MGST1: variants seen among roughly 807,000 people sequenced by gnomAD.
MGST1 encodes glutathione S-transferase 12.
In MGST1, 5 loss-of-function variants were observed where a neutral mutation model predicts 8.9. The observed-to-expected ratio is 0.56, with a 90% CI of 0.29 to 1.19. The LOEUF is 1.19. Ranked by LOEUF, MGST1 falls within the 50% of genes most tolerant of loss-of-function variation. MGST1 has a pLI of 0.08. For missense variants in MGST1, 182 were observed against 187.4 expected (o/e 0.97, Z 0.17); for synonymous variants, 54 against 67.8 (o/e 0.80, Z 1.00).
In MGST1 at chr12:16,537,005, A is replaced by T. The variant is rs985821575; in HGVS notation, n.483-52523A>T. On this transcript the variant is annotated intron_variant and non_coding_transcript_variant, in intron 4 of 4. Coordinates refer to the MGST1 transcript ENST00000538857. The surrounding 1 kb of genome is among the most constrained non-coding windows in gnomAD (Gnocchi z 4.6). ...CAAAGGCTGAACTCATTTTGGCATTAACCCAAAAGTCCACAGTCCAAAGTC... is the reference window on the plus strand; with the variant it reads ...CAAAGGCTGAACTCATTTTGGCATTTACCCAAAAGTCCACAGTCCAAAGTC... Among the ~76,000 whole-genome samples the T allele has an allele frequency of 2.0e-5, 3 of 152,188 alleles. No individual in the cohort carries two copies. The highest frequency in any genetic ancestry group is 1.3e-4 in the Admixed American group (2 of 15,288).
chr12:16,570,038 C>T (rs1942760463), intron 4 of MGST1, among the ~76,000 whole-genome samples: 1 of 152,110 alleles, frequency 6.6e-6, no homozygotes, highest in East Asian at 1.9e-4. Flanking sequence ...AGATACTACA[C>T]ATCTCTCCCT....
intron 3 of MGST1, among the ~76,000 whole-genome samples, chr12:16,374,907 G>A (rs1407310126): frequency 6.6e-6 from 1 of 152,136 alleles, no homozygotes; most frequent in Non-Finnish European, 1.5e-5. Context: ...TTAGAGACAA[G>A]TCTCACTCTG....
intron 4 of MGST1, among the ~76,000 whole-genome samples, chr12:16,461,285 C>T (rs1941219488): frequency 6.6e-6 from 1 of 151,608 alleles, no homozygotes; most frequent in Non-Finnish European, 1.5e-5. Context: ...TCCATAGATA[C>T]CCTGAACACT....
chr12:16,549,252 G>C (rs570462160), intron 4 of MGST1: 1 of 152,102 alleles, frequency 6.6e-6, no homozygotes, highest in Admixed American at 6.6e-5. Context: ...CAAGTGTAAG[G>C]CTCTAAGGCT....
chr12:16,432,527 G>A (rs111596076), intron 1 of MGST1, among the ~76,000 whole-genome samples: 2 of 151,954 alleles, frequency 1.3e-5, no homozygotes, highest in African/African-American at 4.8e-5. Flanking sequence ...CCTCATAGTA[G>A]CAATGGAACA....
intron 3 of MGST1, among the ~76,000 whole-genome samples, chr12:16,358,914 G>C (rs924390136): frequency 6.7e-6 from 1 of 149,456 alleles, no homozygotes; most frequent in African/African-American, 2.5e-5. Context: ...CTCTGTGAAA[G>C]TCTGAAGCCC....
intron 4 of MGST1, among the ~76,000 whole-genome samples, chr12:16,484,076 A>AAAT (rs1383106940): frequency 6.6e-6 from 1 of 152,226 alleles, no homozygotes; most frequent in Non-Finnish European, 1.5e-5. Context: ...CTGCAATTAA[A>AAAT]AATATCCTCA....
chr12:16,498,693 G>T (rs1258054593), intron 4 of MGST1, among the ~76,000 whole-genome samples: 1 of 152,142 alleles, frequency 6.6e-6, no homozygotes, highest in Admixed American at 6.6e-5. Context: ...TCTAACAGGA[G>T]ACCCGCTTTC....
At chr12:16,427,545 C>T (rs141946095) in intron 1 of MGST1, among the ~76,000 whole-genome samples, 3,760 of 152,036 alleles carry the variant, frequency 0.025, 150 homozygotes, top group African/African-American at 0.086. Context: ...CCATGCCCAG[C>T]TAATTTTTGT....
At chr12:16,359,281 AG>A (rs1350804231) in intron 3 of MGST1, among the ~76,000 whole-genome samples, 4 of 152,194 alleles carry the variant, frequency 2.6e-5, no homozygotes, top group African/African-American at 9.6e-5. Flanking sequence ...GCTCTCCTCT[AG>A]CCCCACAGAC....
At chr12:16,433,349 C>T (rs1940955874) in intron 1 of MGST1, among the ~76,000 whole-genome samples, 1 of 151,980 alleles carries the variant, frequency 6.6e-6, no homozygotes, top group Admixed American at 6.6e-5. Flanking sequence ...ACAGACACAC[C>T]CAGGAATAAT....
intron 4 of MGST1, among the ~76,000 whole-genome samples, chr12:16,579,776 G>A (rs144653378): frequency 3.3e-5 from 5 of 152,160 alleles, no homozygotes; most frequent in Non-Finnish European, 5.9e-5. Context: ...TTCAGTGGCC[G>A]AGTGAATGCG....
intron 4 of MGST1, among the ~76,000 whole-genome samples, chr12:16,566,644 A>T (rs1942621545): frequency 6.6e-6 from 1 of 152,176 alleles, no homozygotes; most frequent in Non-Finnish European, 1.5e-5. Context: ...TTATTTCATA[A>T]TTAAATCTAT....
Position 16,458,098 on chromosome 12 carries a change from A to G in MGST1, n.482+74494A>G, listed in dbSNP as rs555890390. Among the ~76,000 whole-genome samples the G allele has an allele frequency of 6.6e-6, 1 of 152,136 alleles. No individual in the cohort carries two copies. Among genetic ancestry groups the G allele is most frequent in the African/African-American group, 2.4e-5 (1 of 41,530 alleles). On this transcript the variant is annotated intron_variant and non_coding_transcript_variant, in intron 4 of 4. Transcript: ENST00000538857. This position sits in a 1 kb window ranked among gnomAD's most constrained non-coding sequence, Gnocchi z 4.0. ...ATATAATTGCTTATTCATACAGAAT[A>G]CCCATTAAAGAAGTGCAAAAGCGTG...
At chr12:16,539,267 T>C (rs1477672476) in intron 4 of MGST1, among the ~76,000 whole-genome samples, 1 of 152,288 alleles carries the variant, frequency 6.6e-6, no homozygotes, top group African/African-American at 2.4e-5. Context: ...TTAAATAAGA[T>C]TTTTACATTT....
At chr12:16,520,462 CAAG>C (rs2137189172) in intron 4 of MGST1, among the ~76,000 whole-genome samples, 1 of 151,848 alleles carries the variant, frequency 6.6e-6, no homozygotes, top group South Asian at 2.1e-4. Context: ...GGGCAATTTT[CAAG>C]AAGAGCAGAT....
intron 4 of MGST1, chr12:16,514,331 A>G: frequency 1.0e-5 from 3 of 295,018 alleles, no homozygotes; most frequent in South Asian, 9.8e-5. Flanking sequence ...ATGTATTCCA[A>G]CCCTCCCCTC....
In MGST1 at chr12:16,547,700, A is replaced by G. The variant is rs994665365; in HGVS notation, n.483-41828A>G. On this transcript the variant is annotated intron_variant and non_coding_transcript_variant, in intron 4 of 4. Coordinates refer to the MGST1 transcript ENST00000538857. This position sits in a 1 kb window ranked among gnomAD's most constrained non-coding sequence, Gnocchi z 4.6. ...TTACCTTAAATTACATTAAAACCACATTTAAAAAATATAACAATGTTTTTA... is the reference window on the plus strand; with the variant it reads ...TTACCTTAAATTACATTAAAACCACGTTTAAAAAATATAACAATGTTTTTA... Among the ~76,000 whole-genome samples the G allele has an allele frequency of 3.3e-5, 5 of 152,194 alleles. No individual in the cohort carries two copies. The highest frequency in any genetic ancestry group is 1.2e-4 in the African/African-American group (5 of 41,448).
chr12:16,572,101 T>C (rs1403358718), intron 4 of MGST1, among the ~76,000 whole-genome samples: 2 of 152,030 alleles, frequency 1.3e-5, no homozygotes, highest in East Asian at 3.9e-4. Flanking sequence ...CAAAATGGTA[T>C]CCTGCAAGAA....
Sources: gnomAD v4.1 joint callset for allele counts (sites outside exome capture counted in the v4.1 genomes callset) on GRCh38, gnomAD v4.1.1 for gene constraint, Gnocchi (gnomAD v3.1) non-coding constraint, MANE v1.5 for transcripts, NCBI Gene and HGNC (gene_info 2026-07-23, HGNC 2026-07-21) for gene names.